The following FOXC2 variants were observed in gnomAD, a reference collection of about 807,000 sequenced individuals.
FOXC2 encodes the protein forkhead box protein C2.
A neutral mutation model predicts 7.2 loss-of-function variants in FOXC2; 7 were observed. The ratio of observed to expected loss-of-function variants is 0.97; its 90% confidence interval spans 0.55 to 1.81. The LOEUF (loss-of-function observed/expected upper bound fraction) is 1.81. Among genes scored for constraint, FOXC2 ranks in the 40% most tolerant of loss-of-function variants. The probability of loss-of-function intolerance (pLI) is 0.00; values close to 1 mark genes in which losing one functional copy is unlikely to be tolerated. For missense variants in FOXC2, 846 were observed against 741.2 expected, an observed-to-expected ratio of 1.14 and a Z score of -1.64; for synonymous variants, 436 against 350.4, an observed-to-expected ratio of 1.24 and a Z score of -2.73.
rs1410259766 is a variant in FOXC2 at position 86,568,242 on chromosome 16, C to A, written c.907C>A (p.Leu303Met). Residue 303 changes from leucine (L) to methionine (M), a missense_variant, in exon 1 of 1, where the codon CTG becomes ATG. Transcript: ENST00000649859. The surrounding 1 kb of genome is among the most constrained non-coding windows in gnomAD (Gnocchi z 5.2). The part of the protein sequence containing the change: ...RAGLVVPPLA[L>M]PYAAAPPAAY... Reference sequence around the variant, plus strand: ...GGGCCTGGTGGTGCCGCCGCTGGCGCTGCCCTACGCCGCCGCGCCGCCCGC... The same window carrying A: ...GGGCCTGGTGGTGCCGCCGCTGGCGATGCCCTACGCCGCCGCGCCGCCCGC... The A allele has an allele frequency of 2.0e-4, 251 of 1,262,230 alleles. 2 individuals carry two copies. In the East Asian group the frequency reaches 8.3e-3, roughly 42 times the overall value. The allele number at this position is 1,262,230 out of a possible 1,614,324, so 78.2% of individuals were successfully genotyped here.
rs893246796 is a variant in FOXC2, at chr16:86,569,587, T to C, written c.*746T>C. 6.1e-5 allele frequency: 10 copies of C among 164,686 alleles called. No homozygotes were observed. The highest frequency in any genetic ancestry group is 4.4e-5 in the Non-Finnish European group (3 of 68,002). The allele number at this position is 164,686 out of a possible 1,614,324, so 10.2% of individuals were successfully genotyped here. On this transcript the variant is annotated 3_prime_UTR_variant, in exon 1 of 1. Coordinates refer to ENST00000649859, the MANE Select transcript of FOXC2 (RefSeq NM_005251.3). ...TTATTTACAAAGTGTGATGGTTTTG[T>C]ATAGTAGGTTCCACCCTGAGTATTC...
Position 86,568,791 on chromosome 16 carries a change from CCT to C in FOXC2, c.1461_1462del (p.Tyr488SerfsTer101). The C allele has an allele frequency of 6.2e-7, 1 of 1,613,028 alleles. No individual in the cohort carries two copies. Among genetic ancestry groups the C allele is most frequent in the Non-Finnish European group, 8.5e-7 (1 of 1,179,996 alleles). On this transcript the variant is annotated frameshift_variant, in exon 1 of 1. Coordinates refer to ENST00000649859, the MANE Select transcript of FOXC2 (RefSeq NM_005251.3). LOFTEE classifies it high-confidence loss of function. This position sits in a 1 kb window ranked among gnomAD's most constrained non-coding sequence, Gnocchi z 5.2. The part of the protein sequence containing the change: ...SCQLPYRSTP[P>X]LYRHAAPYSY... ...CCAGCTGCCCTACAGATCCACGCCG[CCT>C]CTCTATCGCCACGCAGCCCCCTACT...
rs757226662 is a variant in FOXC2, at chr16:86,567,408, T to C, written c.73T>C (p.Tyr25His). Residue 25 changes from tyrosine (Y) to histidine (H), a missense_variant, in exon 1 of 1, where the codon TAC (tyrosine) becomes CAC (histidine). Tyr to His is a moderately conservative substitution (Grantham distance 83). Transcript: ENST00000649859. ...GCCCTACCTGAGCGAGCAGAATTAC[T>C]ACCGGGCTGCGGGCAGCTACGGCGG... ...VVPYLSEQNY[Y>H]RAAGSYGGMA... The C allele has an allele frequency of 1.9e-5, 30 of 1,613,144 alleles. No homozygotes were observed. The highest frequency in any genetic ancestry group is 6.7e-5 in the East Asian group (3 of 44,850).
chr16:86,568,162 T>A lies in FOXC2; in HGVS notation c.827T>A (p.Met276Lys). The A allele has an allele frequency of 7.6e-7, 1 of 1,309,552 alleles. No homozygotes were observed. Among genetic ancestry groups the A allele is most frequent in the Middle Eastern group, 2.3e-4 (1 of 4,304 alleles). The allele number at this position is 1,309,552 out of a possible 1,614,324, so 81.1% of individuals were successfully genotyped here. A position where few individuals can be genotyped will look rare whatever the true frequency, so the allele number is the denominator to read the frequency against. ...CCTGGCTTCAGCGTGGAGAACATCA[T>A]GACCCTGCGAACGTCGCCGCCGGGC... Reference protein sequence around the residue: ...GLPGFSVENIMTLRTSPPGGE... With the variant: ...GLPGFSVENIKTLRTSPPGGE... Residue 276 changes from methionine (M) to lysine (K), a missense_variant, in exon 1 of 1, where the codon ATG becomes AAG. Coordinates refer to ENST00000649859, the MANE Select transcript of FOXC2 (RefSeq NM_005251.3). This position sits in a 1 kb window ranked among gnomAD's most constrained non-coding sequence, Gnocchi z 5.2.
Position 86,569,175 on chromosome 16 carries a change from C to T in FOXC2, c.*334C>T, listed in dbSNP as rs1974248676. 1.1e-5 allele frequency: 5 copies of T among 439,156 alleles called. No individual in the cohort carries two copies. In the South Asian group the frequency reaches 1.2e-4, roughly 10 times the overall value. The allele number at this position is 439,156 out of a possible 1,614,324, so 27.2% of individuals were successfully genotyped here. The stretch of plus-strand genomic sequence containing the variant: ...GAGCTTTCAAAAGTTAAGTTATGGA[C>T]CAAATCCCATAGCGAGCCCCTAGTG... On this transcript the variant is annotated 3_prime_UTR_variant, in exon 1 of 1. Coordinates refer to ENST00000649859, the MANE Select transcript of FOXC2 (RefSeq NM_005251.3).
At position 86,568,555 on chromosome 16, in the gene FOXC2, AGCCCCAGCCGAC is replaced by A. The variant is rs752149398; in HGVS notation, c.1224_1235del (p.Thr411_Pro414del). On this transcript the variant is annotated inframe_deletion, in exon 1 of 1. Transcript: ENST00000649859. The surrounding 1 kb of genome is among the most constrained non-coding windows in gnomAD (Gnocchi z 5.2). Reference sequence around the variant, plus strand: ...GCGCCGCCGCCCCCGCCGGCTCCCCAGCCCCAGCCGACGCCGCAGCCCGGGGCCGCCGCGGCG... The same window carrying A: ...GCGCCGCCGCCCCCGCCGGCTCCCCAGCCGCAGCCCGGGGCCGCCGCGGCG... The A allele has an allele frequency of 2.0e-5, 30 of 1,492,340 alleles. 1 individual carries two copies. The South Asian group carries it at 3.1e-4, about 15-fold the overall frequency. 92.4% of individuals were successfully genotyped at this position (1,492,340 alleles called of 1,614,324 possible).
In FOXC2 at chr16:86,566,843, TC is replaced by T. The variant is rs1974201069; in HGVS notation, c.-490del. Among the ~76,000 whole-genome samples, 1 of 152,124 alleles carries T rather than the reference TC, an allele frequency of 6.6e-6. No individual in the cohort carries two copies. On this transcript the variant is annotated 5_prime_UTR_variant, in exon 1 of 1. Transcript: ENST00000649859. This position sits in a 1 kb window ranked among gnomAD's most constrained non-coding sequence, Gnocchi z 4.3. The stretch of plus-strand genomic sequence containing the variant: ...AGAAGACTTTTGAAACTTTTCCCAA[TC>T]CCTAAAAGGGACTTGGCCTCTTTTT...
rs1258945445 is a variant in FOXC2, at chr16:86,568,730, C to T, written c.1395C>T (p.Thr465=). 1.9e-6 allele frequency: 3 copies of T among 1,612,842 alleles called. No individual in the cohort carries two copies. The highest frequency in any genetic ancestry group is 3.3e-5 in the Admixed American group (2 of 60,006). The change falls in exon 1 of 1, where the codon ACC becomes ACT. Residue 465 remains threonine, a synonymous_variant. Transcript: ENST00000649859. This position sits in a 1 kb window ranked among gnomAD's most constrained non-coding sequence, Gnocchi z 5.2. ...ACCGGCTGGGGATTGAGAACTCGAC[C>T]CTCGGGGAGTCCCAGGTGAGTGGCA... ...NSHRLGIENS[T]LGESQVSGNA...
rs747494903 is a variant in FOXC2 at position 86,567,429 on chromosome 16, G to T, written c.94G>T (p.Gly32Cys). The T allele has an allele frequency of 1.2e-6, 2 of 1,613,228 alleles. No homozygotes were observed. Among genetic ancestry groups the T allele is most frequent in the East Asian group, 4.5e-5 (2 of 44,842 alleles). The change falls in exon 1 of 1, where the codon GGC becomes TGC. Residue 32 changes from glycine to cysteine, a missense_variant. By Grantham distance (159) the Gly-to-Cys change is radical (BLOSUM62 -3). This residue lies in a region of FOXC2 where 154 missense variants were observed against 134.2 expected (regional missense o/e 1.15). Transcript: ENST00000649859. Reference protein sequence around the residue: ...QNYYRAAGSYGGMASPMGVYS... With the variant: ...QNYYRAAGSYCGMASPMGVYS... ...TTACTACCGGGCTGCGGGCAGCTAC[G>T]GCGGCATGGCCAGCCCCATGGGCGT...
In FOXC2 at chr16:86,567,447, A is replaced by C. The variant is rs1346828342; in HGVS notation, c.112A>C (p.Met38Leu). 1 of 1,613,162 alleles carries C rather than the reference A, an allele frequency of 6.2e-7. No individual in the cohort carries two copies. The highest frequency in any genetic ancestry group is 8.5e-7 in the Non-Finnish European group (1 of 1,179,938). Residue 38 changes from methionine (M) to leucine (L), a missense_variant, in exon 1 of 1, where the codon ATG becomes CTG. Coordinates refer to ENST00000649859, the MANE Select transcript of FOXC2 (RefSeq NM_005251.3). ...CAGCTACGGCGGCATGGCCAGCCCC[A>C]TGGGCGTCTATTCCGGCCACCCGGA... is the stretch of plus-strand genomic sequence containing the variant. ...AGSYGGMASPMGVYSGHPEQY... is the reference protein window; with the variant it reads ...AGSYGGMASPLGVYSGHPEQY...
At position 86,567,357 on chromosome 16, in the gene FOXC2, T is replaced by C. The variant is rs368190981; in HGVS notation, c.22T>C (p.Ser8Pro). 2 of 1,612,950 alleles carry C rather than the reference T, an allele frequency of 1.2e-6. No homozygotes were observed. The highest frequency in any genetic ancestry group is 1.7e-5 in the Admixed American group (1 of 60,022). MQARYSV[S>P]DPNALGVVPY... ...CAGCATGCAGGCGCGCTACTCCGTG[T>C]CCGACCCCAACGCCCTGGGAGTGGT... is the stretch of plus-strand genomic sequence containing the variant. The change falls in exon 1 of 1, where the codon TCC becomes CCC. Residue 8 changes from serine (S) to proline (P), a missense_variant. Coordinates refer to ENST00000649859, the MANE Select transcript of FOXC2 (RefSeq NM_005251.3).
rs1172772863 is a variant in FOXC2, at chr16:86,568,044, C to T, written c.709C>T (p.Leu237=). 12 of 1,469,026 alleles carry T rather than the reference C, an allele frequency of 8.2e-6. No individual in the cohort carries two copies. Among genetic ancestry groups the T allele is most frequent in the African/African-American group, 2.9e-5 (2 of 69,580 alleles). The allele number at this position is 1,469,026 out of a possible 1,614,324, so 91.0% of individuals were successfully genotyped here. The change falls in exon 1 of 1, where the codon CTG becomes TTG. Residue 237 remains leucine (L), a synonymous_variant. Transcript: ENST00000649859. This position sits in a 1 kb window ranked among gnomAD's most constrained non-coding sequence, Gnocchi z 5.2. ...GGAGACGCTGAGCCCCGAGAGCGCG[C>T]TGCAGGGCAGCCCGCGCAGCGCGGC... The part of the protein sequence containing the change: ...KVETLSPESA[L]QGSPRSAAST...
In FOXC2 at chr16:86,568,105, C is replaced by A. The variant is rs922145263; in HGVS notation, c.770C>A (p.Pro257Gln). 2.2e-6 allele frequency: 3 copies of A among 1,372,442 alleles called. No individual in the cohort carries two copies. Among genetic ancestry groups the A allele is most frequent in the East Asian group, 3.0e-5 (1 of 32,838 alleles). The allele number at this position is 1,372,442 out of a possible 1,614,324, so 85.0% of individuals were successfully genotyped here. A position where few individuals can be genotyped will look rare whatever the true frequency, so the allele number is the denominator to read the frequency against. ...GCCGGCTCCCCCGACGGCTCGCTGCCGGAGCACCACGCCGCGGCGCCCAAC... is the reference window on the plus strand; with the variant it reads ...GCCGGCTCCCCCGACGGCTCGCTGCAGGAGCACCACGCCGCGGCGCCCAAC... Reference protein sequence around the residue: ...TPAGSPDGSLPEHHAAAPNGL... With the variant: ...TPAGSPDGSLQEHHAAAPNGL... The change falls in exon 1 of 1, where the codon CCG becomes CAG. Residue 257 changes from proline to glutamine, a missense_variant. Pro to Gln is a moderately conservative substitution (Grantham distance 76). This residue lies in a region of FOXC2 where 640 missense variants were observed against 503.2 expected (regional missense o/e 1.27). Coordinates refer to ENST00000649859, the MANE Select transcript of FOXC2 (RefSeq NM_005251.3). This position sits in a 1 kb window ranked among gnomAD's most constrained non-coding sequence, Gnocchi z 5.2.
chr16:86,567,340 A>C lies in FOXC2; in HGVS notation c.5A>C (p.Gln2Pro). 1 of 1,612,786 alleles carries C rather than the reference A, an allele frequency of 6.2e-7. No homozygotes were observed. The change falls in exon 1 of 1, where the codon CAG becomes CCG. Residue 2 changes from glutamine to proline, a missense_variant. Gln to Pro is a moderately conservative substitution (Grantham distance 76). Around this residue, in one of 3 missense-constraint regions of FOXC2, gnomAD observed 154 missense variants for 134.2 expected, o/e 1.15. Transcript: ENST00000649859. ...GCGAGCCGTCTCGGAAGCAGCATGCAGGCGCGCTACTCCGTGTCCGACCCC... is the reference window on the plus strand; with the variant it reads ...GCGAGCCGTCTCGGAAGCAGCATGCCGGCGCGCTACTCCGTGTCCGACCCC... The part of the protein sequence containing the change: M[Q>P]ARYSVSDPNA...
rs530376696 is a variant in FOXC2 at position 86,568,687 on chromosome 16, G to A, written c.1352G>A (p.Arg451Gln). The part of the protein sequence containing the change: ...AAQQQTFPNV[R>Q]EMFNSHRLGI... ...CAGCAGCAAACTTTCCCCAACGTGC[G>A]GGAGATGTTCAACTCCCACCGGCTG... is the stretch of plus-strand genomic sequence containing the variant. The change falls in exon 1 of 1, where the codon CGG (arginine) becomes CAG (glutamine). Residue 451 changes from arginine to glutamine, a missense_variant. By Grantham distance (43) the Arg-to-Gln change is conservative. This residue lies in a region of FOXC2 where 640 missense variants were observed against 503.2 expected (regional missense o/e 1.27). Coordinates refer to ENST00000649859, the MANE Select transcript of FOXC2 (RefSeq NM_005251.3). This position sits in a 1 kb window ranked among gnomAD's most constrained non-coding sequence, Gnocchi z 5.2. The A allele has an allele frequency of 1.8e-5, 29 of 1,612,810 alleles. No homozygotes were observed. In the East Asian group the frequency reaches 4.0e-4, roughly 22 times the overall value.
chr16:86,567,381 G>T lies in FOXC2; in HGVS notation c.46G>T (p.Val16Leu). 6.2e-7 allele frequency: 1 copy of T among 1,613,184 alleles called. No homozygotes were observed. Among genetic ancestry groups the T allele is most frequent in the Non-Finnish European group, 8.5e-7 (1 of 1,179,850 alleles). Residue 16 changes from valine (V) to leucine (L), a missense_variant, in exon 1 of 1, where the codon GTG (valine) becomes TTG (leucine). Physicochemically the swap from Val to Leu is conservative, Grantham distance 32. This residue lies in a region of FOXC2 where 154 missense variants were observed against 134.2 expected (regional missense o/e 1.15). Coordinates refer to ENST00000649859, the MANE Select transcript of FOXC2 (RefSeq NM_005251.3). ...GTCCGACCCCAACGCCCTGGGAGTGGTGCCCTACCTGAGCGAGCAGAATTA... is the reference window on the plus strand; with the variant it reads ...GTCCGACCCCAACGCCCTGGGAGTGTTGCCCTACCTGAGCGAGCAGAATTA... Reference protein sequence around the residue: ...SVSDPNALGVVPYLSEQNYYR... With the variant: ...SVSDPNALGVLPYLSEQNYYR...
rs1974240324 is a variant in FOXC2, at chr16:86,568,792, C to G, written c.1457C>G (p.Pro486Arg). Reference protein sequence around the residue: ...SCQLPYRSTPPLYRHAAPYSY... With the variant: ...SCQLPYRSTPRLYRHAAPYSY... The stretch of plus-strand genomic sequence containing the variant: ...CAGCTGCCCTACAGATCCACGCCGC[C>G]TCTCTATCGCCACGCAGCCCCCTAC... Residue 486 changes from proline (P) to arginine (R), a missense_variant, in exon 1 of 1, where the codon CCT becomes CGT. By Grantham distance (103) the Pro-to-Arg change is moderately radical. Coordinates refer to ENST00000649859, the MANE Select transcript of FOXC2 (RefSeq NM_005251.3). This position sits in a 1 kb window ranked among gnomAD's most constrained non-coding sequence, Gnocchi z 5.2. 1 of 1,612,936 alleles carries G rather than the reference C, an allele frequency of 6.2e-7. No individual in the cohort carries two copies. Among genetic ancestry groups the G allele is most frequent in the South Asian group, 1.1e-5 (1 of 91,088 alleles).
chr16:86,568,105 C>G lies in FOXC2; in HGVS notation c.770C>G (p.Pro257Arg), dbSNP rs922145263. Residue 257 changes from proline (P) to arginine (R), a missense_variant, in exon 1 of 1, where the codon CCG becomes CGG. Physicochemically the swap from Pro to Arg is moderately radical, Grantham distance 103. Around this residue, in one of 3 missense-constraint regions of FOXC2, gnomAD observed 640 missense variants for 503.2 expected, o/e 1.27. Coordinates refer to ENST00000649859, the MANE Select transcript of FOXC2 (RefSeq NM_005251.3). The surrounding 1 kb of genome is among the most constrained non-coding windows in gnomAD (Gnocchi z 5.2). ...GCCGGCTCCCCCGACGGCTCGCTGC[C>G]GGAGCACCACGCCGCGGCGCCCAAC... is the stretch of plus-strand genomic sequence containing the variant. ...TPAGSPDGSLPEHHAAAPNGL... is the reference protein window; with the variant it reads ...TPAGSPDGSLREHHAAAPNGL... 9.5e-6 allele frequency: 13 copies of G among 1,372,334 alleles called. No homozygotes were observed. In the South Asian group the frequency reaches 1.8e-4, roughly 19 times the overall value. The allele number at this position is 1,372,334 out of a possible 1,614,324, so 85.0% of individuals were successfully genotyped here.
At position 86,568,183 on chromosome 16, in the gene FOXC2, C is replaced by T. The variant is rs1412308334; in HGVS notation, c.848C>T (p.Pro283Leu). ...ATCATGACCCTGCGAACGTCGCCGCCGGGCGGAGAGCTGAGCCCGGGGGCC... is the reference window on the plus strand; with the variant it reads ...ATCATGACCCTGCGAACGTCGCCGCTGGGCGGAGAGCTGAGCCCGGGGGCC... ...ENIMTLRTSP[P>L]GGELSPGAGR... Residue 283 changes from proline to leucine, a missense_variant, in exon 1 of 1, where the codon CCG (proline) becomes CTG (leucine). By Grantham distance (98) the Pro-to-Leu change is moderately conservative. This residue lies in a region of FOXC2 where 640 missense variants were observed against 503.2 expected (regional missense o/e 1.27). Transcript: ENST00000649859. The surrounding 1 kb of genome is among the most constrained non-coding windows in gnomAD (Gnocchi z 5.2). 34 of 1,288,802 alleles carry T rather than the reference C, an allele frequency of 2.6e-5. No homozygotes were observed. The highest frequency in any genetic ancestry group is 2.8e-5 in the Non-Finnish European group (29 of 1,025,788). The allele number at this position is 1,288,802 out of a possible 1,614,324, so 79.8% of individuals were successfully genotyped here.
Sources: allele counts gnomAD v4.1 joint callset (sites outside exome capture counted in the v4.1 genomes callset), GRCh38; gene constraint gnomAD v4.1.1; regional missense constraint gnomAD v4.1.1; non-coding constraint Gnocchi (gnomAD v3.1); transcripts MANE v1.5; gene names NCBI Gene and HGNC (gene_info 2026-07-23, HGNC 2026-07-21).